Variants in RLF observed in about 807,000 individuals in gnomAD.
The protein encoded by RLF is zinc finger protein Rlf.
Under a neutral mutation model 162.9 loss-of-function variants are expected in RLF, and 7 were observed. The observed-to-expected ratio is 0.04, with a 90% CI of 0.02 to 0.08. RLF has a LOEUF of 0.08. RLF is among the 10% of genes least tolerant of loss of function. The pLI is 1.00. For synonymous variants in RLF, 782 were observed against 791.5 expected (o/e 0.99, Z 0.20); for missense variants, 1,664 against 2,244.7 (o/e 0.74, Z 5.23).
chr1:40,214,918 C>CAAAAAAA lies in RLF; in HGVS notation c.811-7635_811-7629dup, dbSNP rs34756935. On this transcript the variant is annotated intron_variant, in intron 5 of 7. Coordinates refer to ENST00000372771, the MANE Select transcript of RLF (RefSeq NM_012421.4). ...CACCTGGACAAGAGTGAGCCTGTCT[C>CAAAAAAA]AAAAAAAAAAAAAAAAAAAAAAAAA... Among the ~76,000 whole-genome samples, 20 of 14,394 alleles carry CAAAAAAA rather than the reference C, an allele frequency of 1.4e-3. 2 individuals carry two copies. Among genetic ancestry groups the CAAAAAAA allele is most frequent in the African/African-American group, 2.5e-3 (11 of 4,390 alleles). 9.4% of individuals were successfully genotyped at this position (14,394 alleles called of 152,430 possible). A position where few individuals can be genotyped will look rare whatever the true frequency, so the allele number is the denominator to read the frequency against.
At chr1:40,225,000 A>G (rs1382510179) in intron 6 of RLF, among the ~76,000 whole-genome samples, 1 of 152,000 alleles carries the variant, frequency 6.6e-6, no homozygotes, top group Non-Finnish European at 1.5e-5. Flanking sequence ...AAAAACATTG[A>G]ATTTTACTAA....
rs12738208 is a variant in RLF at position 40,181,183 on chromosome 1, A to G, written c.238-7872A>G. 2.0e-5 allele frequency among the ~76,000 whole-genome samples: 3 copies of G among 152,284 alleles called. No homozygotes were observed. The East Asian group carries it at 5.8e-4, about 29-fold the overall frequency. On this transcript the variant is annotated intron_variant, in intron 1 of 7. Transcript: ENST00000372771. ...AGTGGCTCATGCCTGTAATCCCAGC[A>G]CTTTGGGAGGCCAAGGTGGATGGAT...
intron 1 of RLF, among the ~76,000 whole-genome samples, chr1:40,182,663 C>T (rs1159522725): frequency 6.6e-6 from 1 of 151,772 alleles, no homozygotes; most frequent in African/African-American, 2.4e-5. Flanking sequence ...GAATCGGTAT[C>T]TAAAAATAAT....
chr1:40,177,902 C>T (rs1642349133), intron 1 of RLF: 1 of 152,074 alleles, frequency 6.6e-6, no homozygotes, highest in Non-Finnish European at 1.5e-5. Context: ...ATTAGCCTGG[C>T]CCCTGTGCAA....
intron 4 of RLF, among the ~76,000 whole-genome samples, chr1:40,196,267 C>A (rs1182556774): frequency 6.6e-6 from 1 of 151,696 alleles, no homozygotes; most frequent in Non-Finnish European, 1.5e-5. Context: ...AGAGACGAGG[C>A]GTTACCATGT....
chr1:40,190,719 C>G lies in RLF; in HGVS notation c.393-53C>G, dbSNP rs1467896068. On this transcript the variant is annotated intron_variant, in intron 2 of 7. Coordinates refer to ENST00000372771, the MANE Select transcript of RLF (RefSeq NM_012421.4). Reference sequence around the variant, plus strand: ...AGATTTTTAGTATTGCTGTCATACTCTACTTAATTATTACTATAACCACCT... The same window carrying G: ...AGATTTTTAGTATTGCTGTCATACTGTACTTAATTATTACTATAACCACCT... 3 of 1,136,996 alleles carry G rather than the reference C, an allele frequency of 2.6e-6. No homozygotes were observed. The African/African-American group carries it at 4.6e-5, about 18-fold the overall frequency. 70.4% of individuals were successfully genotyped at this position (1,136,996 alleles called of 1,614,324 possible).
intron 6 of RLF, among the ~76,000 whole-genome samples, chr1:40,225,121 T>C (rs182094472): frequency 5.1e-4 from 78 of 152,268 alleles, no homozygotes; most frequent in Non-Finnish European, 7.9e-4. Context: ...TTAAGTGGTA[T>C]TTTGGATAAG....
chr1:40,161,742 C>T lies in RLF; in HGVS notation c.237+106C>T. 1 of 1,429,430 alleles carries T rather than the reference C, an allele frequency of 7.0e-7. No homozygotes were observed. The highest frequency in any genetic ancestry group is 2.7e-5 in the East Asian group (1 of 37,032). The allele number at this position is 1,429,430 out of a possible 1,614,324, so 88.5% of individuals were successfully genotyped here. A position where few individuals can be genotyped will look rare whatever the true frequency, so the allele number is the denominator to read the frequency against. ...GGTCCAAACTGAAAGGCGCCACCTC[C>T]GTGACTCGCCGCGCCCCCGGGCCGG... On this transcript the variant is annotated intron_variant, in intron 1 of 7. Transcript: ENST00000372771. This position sits in a 1 kb window ranked among gnomAD's most constrained non-coding sequence, Gnocchi z 4.4.
At chr1:40,198,287 A>G (rs1020896502) in intron 4 of RLF, among the ~76,000 whole-genome samples, 5 of 137,356 alleles carry the variant, frequency 3.6e-5, no homozygotes, top group African/African-American at 8.3e-5. Context: ...GGTGTGAGCC[A>G]CCGCGCCCGG....
chr1:40,189,118 T>C lies in RLF; in HGVS notation c.301T>C (p.Tyr101His). Residue 101 changes from tyrosine to histidine, a missense_variant, in exon 2 of 8, where the codon TAT (tyrosine) becomes CAT (histidine). By Grantham distance (83) the Tyr-to-His change is moderately conservative. Transcript: ENST00000372771. ...SEHIVYLLEV[Y>H]RLAIQSFASA... ...ACATATTGTGTATCTTCTGGAGGTA[T>C]ATCGACTTGCCATCCAAAGCTTTGC... The C allele has an allele frequency of 6.2e-7, 1 of 1,613,616 alleles. No individual in the cohort carries two copies. Among genetic ancestry groups the C allele is most frequent in the Non-Finnish European group, 8.5e-7 (1 of 1,179,546 alleles).
chr1:40,172,696 G>T (rs1236245445), intron 1 of RLF, among the ~76,000 whole-genome samples: 2 of 152,148 alleles, frequency 1.3e-5, no homozygotes, highest in African/African-American at 4.8e-5. Flanking sequence ...AACCCAGGAG[G>T]CAGAGGTTAC....
At chr1:40,213,620 A>G (rs531353518) in intron 5 of RLF, among the ~76,000 whole-genome samples, 1 of 152,328 alleles carries the variant, frequency 6.6e-6, no homozygotes, top group African/African-American at 2.4e-5. Flanking sequence ...TGCTAACTGT[A>G]ACTCCCACCT....
intron 4 of RLF, among the ~76,000 whole-genome samples, chr1:40,197,416 A>T (rs1460184761): frequency 6.6e-6 from 1 of 152,186 alleles, no homozygotes; most frequent in African/African-American, 2.4e-5. Context: ...AATTGGGCAG[A>T]TCCTATCCAG....
At chr1:40,182,749 A>ATAGGTAGGTAGG (rs147002616) in intron 1 of RLF, among the ~76,000 whole-genome samples, 31 of 111,066 alleles carry the variant, frequency 2.8e-4, no homozygotes, top group African/African-American at 1.1e-3. Context: ...AGACAGATAG[A>ATAGGTAGGTAGG]TAGGTAGATA....
At chr1:40,229,448 C>CTTTTTTTTTTTT (rs1005418216) in intron 6 of RLF, among the ~76,000 whole-genome samples, 1 of 90,980 alleles carries the variant, frequency 1.1e-5, no homozygotes, top group Non-Finnish European at 2.1e-5. Context: ...ATTCATTTAT[C>CTTTTTTTTTTTT]TTTTTTTTTT....
intron 4 of RLF, among the ~76,000 whole-genome samples, chr1:40,200,643 T>C (rs184145622): frequency 1.3e-5 from 2 of 151,918 alleles, no homozygotes; most frequent in Admixed American, 1.3e-4. Context: ...AAACAAGAAA[T>C]TGGAAACTTG....
chr1:40,224,578 CT>C (rs59980316), intron 6 of RLF, among the ~76,000 whole-genome samples: 26,331 of 40,306 alleles, frequency 0.65, 8,546 homozygotes, highest in Middle Eastern at 0.78. Flanking sequence ...CTGGCCACAT[CT>C]TTTTTTTTTT....
At position 40,237,798 on chromosome 1, in the gene RLF, C is replaced by T. The variant is rs762851187; in HGVS notation, c.3096C>T (p.His1032=). 6.2e-7 allele frequency: 1 copy of T among 1,614,120 alleles called. No homozygotes were observed. Among genetic ancestry groups the T allele is most frequent in the Non-Finnish European group, 8.5e-7 (1 of 1,179,978 alleles). Residue 1032 remains histidine, a synonymous_variant, in exon 8 of 8, where the codon CAC becomes CAT. Coordinates refer to ENST00000372771, the MANE Select transcript of RLF (RefSeq NM_012421.4). This position sits in a 1 kb window ranked among gnomAD's most constrained non-coding sequence, Gnocchi z 4.4. ...ATGAAGGTCTAGATCACAATATTCA[C>T]ATTAAATGTAAACGAGAACATCAAG... ...SPDEGLDHNI[H]IKCKREHQGY...
At chr1:40,172,755 G>A (rs553893537) in intron 1 of RLF, among the ~76,000 whole-genome samples, 1 of 152,270 alleles carries the variant, frequency 6.6e-6, no homozygotes, top group East Asian at 1.9e-4. Flanking sequence ...AACAGAGTGA[G>A]ATGCCAACTC....
Sources: allele counts gnomAD v4.1 joint callset (sites outside exome capture counted in the v4.1 genomes callset), GRCh38; gene constraint gnomAD v4.1.1; non-coding constraint Gnocchi (gnomAD v3.1); transcripts MANE v1.5; gene names NCBI Gene and HGNC (gene_info 2026-07-23, HGNC 2026-07-21).